The following PARP8 variants were observed in gnomAD, a reference collection of about 807,000 sequenced individuals.
The protein encoded by PARP8 is poly(ADP-ribose) polymerase family member 8, also known as protein mono-ADP-ribosyltransferase PARP8.
Under a neutral mutation model 124.1 loss-of-function variants are expected in PARP8, and 51 were observed. The observed-to-expected ratio is 0.41, with a 90% confidence interval of 0.33 to 0.52. PARP8 has a LOEUF of 0.52. Among genes scored for constraint, PARP8 ranks in the 20% least tolerant of loss-of-function variants. The probability of loss-of-function intolerance (pLI) is 0.21; values close to 1 mark genes in which losing one functional copy is unlikely to be tolerated. For missense variants in PARP8, 860 were observed against 1,018.9 expected (o/e 0.84, Z 2.12); for synonymous variants, 391 against 361.5 (o/e 1.08, Z -0.93).
chr5:50,691,297 G>C (rs558005129), intron 2 of PARP8, among the ~76,000 whole-genome samples: 1 of 152,164 alleles, frequency 6.6e-6, no homozygotes, highest in Admixed American at 6.5e-5. Flanking sequence ...CCATCCTCAG[G>C]TTTTCTCTTC....
chr5:50,746,332 A>G (rs1758537725), intron 2 of PARP8, among the ~76,000 whole-genome samples: 1 of 152,174 alleles, frequency 6.6e-6, no homozygotes, highest in Non-Finnish European at 1.5e-5. Flanking sequence ...TTTTTGTGTG[A>G]TCAAATAGTT....
intron 2 of PARP8, among the ~76,000 whole-genome samples, chr5:50,729,717 T>C (rs1756786205): frequency 6.6e-6 from 1 of 152,240 alleles, no homozygotes; most frequent in African/African-American, 2.4e-5. Context: ...CTGTCTCAAA[T>C]GTTTTTCCTT....
chr5:50,800,794 T>C (rs1743122431), intron 14 of PARP8, among the ~76,000 whole-genome samples: 1 of 151,534 alleles, frequency 6.6e-6, no homozygotes, highest in Non-Finnish European at 1.5e-5. Context: ...TCTTACTCTG[T>C]CACTCATGTT....
intron 25 of PARP8, among the ~76,000 whole-genome samples, chr5:50,838,181 C>T (rs1411352580): frequency 6.6e-6 from 1 of 152,114 alleles, no homozygotes; most frequent in Non-Finnish European, 1.5e-5. Flanking sequence ...CAACATCTCA[C>T]CTTCTCCAGT....
At chr5:50,676,759 A>G (rs999885672) in intron 2 of PARP8, among the ~76,000 whole-genome samples, 21 of 152,312 alleles carry the variant, frequency 1.4e-4, no homozygotes, top group Non-Finnish European at 2.4e-4. Context: ...TGGTGAAATC[A>G]TTTTCCTCCA....
chr5:50,713,133 G>A (rs1488117188), intron 2 of PARP8, among the ~76,000 whole-genome samples: 1 of 151,992 alleles, frequency 6.6e-6, no homozygotes, highest in Non-Finnish European at 1.5e-5. Flanking sequence ...GGCTGTGAGA[G>A]TCATCTATAT....
chr5:50,692,709 C>T (rs1752627661), intron 2 of PARP8, among the ~76,000 whole-genome samples: 1 of 151,906 alleles, frequency 6.6e-6, no homozygotes, highest in Admixed American at 6.6e-5. Flanking sequence ...CTTTTTTTCC[C>T]TCTAATCCAT....
At chr5:50,783,673 T>C (rs965115379) in intron 9 of PARP8, among the ~76,000 whole-genome samples, 2 of 152,172 alleles carry the variant, frequency 1.3e-5, no homozygotes, top group East Asian at 1.9e-4. Context: ...AAATAACTTA[T>C]TTTATGGACT....
At chr5:50,719,491 T>C (rs1023025805) in intron 2 of PARP8, among the ~76,000 whole-genome samples, 1 of 152,060 alleles carries the variant, frequency 6.6e-6, no homozygotes, top group African/African-American at 2.4e-5. Context: ...TCATTTCGAT[T>C]AGATTTTTGT....
Position 50,796,989 on chromosome 5 carries a change from G to T in PARP8, c.1436G>T (p.Gly479Val). ...TTACTTTGCTTTTTATAGCCAAATG[G>T]TGCAAAATGCATTCCAGTACGAGAC... ...SSSSSQLAPN[G>V]AKCIPVRDRG... is the part of the protein sequence containing the mutation. The change falls in exon 13 of 26, where the codon GGT (glycine) becomes GTT (valine). Residue 479 changes from glycine to valine, a missense_variant. Gly to Val is a moderately radical substitution (Grantham distance 109). Transcript: ENST00000281631. The T allele has an allele frequency of 6.2e-7, 1 of 1,609,600 alleles. No homozygotes were observed. The highest frequency in any genetic ancestry group is 8.5e-7 in the Non-Finnish European group (1 of 1,178,094).
At chr5:50,763,888 T>A (rs1760802362) in intron 7 of PARP8, among the ~76,000 whole-genome samples, 1 of 152,216 alleles carries the variant, frequency 6.6e-6, no homozygotes, top group South Asian at 2.1e-4. Flanking sequence ...CACTGTAGTC[T>A]TGAAGTCTCC....
chr5:50,718,933 T>C (rs887487063), intron 2 of PARP8, among the ~76,000 whole-genome samples: 16 of 152,056 alleles, frequency 1.1e-4, no homozygotes, highest in Admixed American at 7.2e-4. Context: ...CCACCAACAA[T>C]GTACCAGGGG....
intron 2 of PARP8, among the ~76,000 whole-genome samples, chr5:50,690,017 T>C (rs74487448): frequency 0.015 from 2,244 of 152,314 alleles, 58 homozygotes; most frequent in African/African-American, 0.052. Context: ...TCCCTTGCTC[T>C]TCTACTTCTC....
chr5:50,704,838 A>T (rs937507004), intron 2 of PARP8, among the ~76,000 whole-genome samples: 1 of 152,232 alleles, frequency 6.6e-6, no homozygotes, highest in Non-Finnish European at 1.5e-5. Flanking sequence ...GCTTTAAAAT[A>T]GGAATGCATA....
At chr5:50,688,848 A>G (rs1304053342) in intron 2 of PARP8, among the ~76,000 whole-genome samples, 1 of 152,096 alleles carries the variant, frequency 6.6e-6, no homozygotes, top group African/African-American at 2.4e-5. Flanking sequence ...AGTTTAGAAA[A>G]TTAAGAACAT....
At chr5:50,841,301 C>T (rs1332351415) in intron 25 of PARP8, among the ~76,000 whole-genome samples, 1 of 151,770 alleles carries the variant, frequency 6.6e-6, no homozygotes, top group Non-Finnish European at 1.5e-5. Context: ...AAATGAATTA[C>T]CATCTAAAAT....
At chr5:50,795,476 T>C in intron 12 of PARP8, 59 bp downstream of exon 12, 1 of 1,401,990 alleles carries the variant, frequency 7.1e-7, no homozygotes, top group African/African-American at 1.4e-5. Flanking sequence ...GTAGAATTTT[T>C]TTTTTCTTAT....
intron 14 of PARP8, among the ~76,000 whole-genome samples, chr5:50,813,924 G>T (rs987241687): frequency 3.3e-5 from 5 of 152,086 alleles, no homozygotes; most frequent in Non-Finnish European, 7.4e-5. Context: ...CATAACTCAT[G>T]TCAGTAAATG....
chr5:50,801,388 C>T (rs1743215315), intron 14 of PARP8, among the ~76,000 whole-genome samples: 1 of 152,260 alleles, frequency 6.6e-6, no homozygotes, highest in South Asian at 2.1e-4. Context: ...CGTGAGCCAC[C>T]ATGCTAGGCC....
Sources: allele counts gnomAD v4.1 joint callset (sites outside exome capture counted in the v4.1 genomes callset), GRCh38; gene constraint gnomAD v4.1.1; transcripts MANE v1.5; gene names NCBI Gene and HGNC (gene_info 2026-07-23, HGNC 2026-07-21).